CAMKMT: variants seen among roughly 807,000 people sequenced by gnomAD.
The protein encoded by CAMKMT is CaM KMT.
CAMKMT carries 53 observed loss-of-function variants against 48.0 expected under a neutral mutation model. The observed-to-expected ratio is 1.10, with a 90% CI of 0.89 to 1.39. The LOEUF (loss-of-function observed/expected upper bound fraction) is 1.39, where lower values mean the gene tolerates loss of function less well. Among genes scored for constraint, CAMKMT ranks in the 40% most tolerant of loss-of-function variants. CAMKMT has a pLI of 0.00. For synonymous variants in CAMKMT, 165 were observed against 152.3 expected (o/e 1.08, Z -0.61); for missense variants, 428 against 402.7 (o/e 1.06, Z -0.54).
chr2:44,376,378 G>A (rs567729718), intron 2 of CAMKMT, among the ~76,000 whole-genome samples: 1 of 150,204 alleles, frequency 6.7e-6, no homozygotes, highest in Admixed American at 6.6e-5. Context: ...ATGAGATTGT[G>A]CCACTGAACT....
intron 7 of CAMKMT, among the ~76,000 whole-genome samples, chr2:44,728,350 T>C (rs571763807): frequency 2.0e-4 from 31 of 152,316 alleles, no homozygotes; most frequent in Admixed American, 1.4e-3. Flanking sequence ...TCTGTGTCTG[T>C]GGTCATGAGG....
chr2:44,685,915 A>G (rs1676308522), intron 3 of CAMKMT, among the ~76,000 whole-genome samples: 1 of 152,066 alleles, frequency 6.6e-6, no homozygotes, highest in African/African-American at 2.4e-5. Flanking sequence ...TGAGGTATAT[A>G]TATTTTGTGT....
chr2:44,386,966 G>A (rs1254102930), intron 2 of CAMKMT, among the ~76,000 whole-genome samples: 1 of 152,072 alleles, frequency 6.6e-6, no homozygotes, highest in Non-Finnish European at 1.5e-5. Context: ...AGTTCCATGT[G>A]CTGTTGAATA....
intron 2 of CAMKMT, among the ~76,000 whole-genome samples, chr2:44,385,237 G>A (rs1461302432): frequency 6.7e-6 from 1 of 148,222 alleles, no homozygotes; most frequent in Non-Finnish European, 1.5e-5. Context: ...TTTTTTTTTT[G>A]CAGCTGTTGC....
chr2:44,530,912 T>A (rs894032401), intron 3 of CAMKMT, among the ~76,000 whole-genome samples: 1 of 152,032 alleles, frequency 6.6e-6, no homozygotes, highest in African/African-American at 2.4e-5. Flanking sequence ...TTATTAATAA[T>A]TTCATAGTGT....
chr2:44,448,866 G>T (rs1667143492), intron 3 of CAMKMT, among the ~76,000 whole-genome samples: 1 of 152,158 alleles, frequency 6.6e-6, no homozygotes, highest in South Asian at 2.1e-4. Context: ...CAGAAACATT[G>T]TGCTAAGTAT....
intron 10 of CAMKMT, among the ~76,000 whole-genome samples, chr2:44,769,393 T>A (rs1030317150): frequency 6.6e-6 from 1 of 152,190 alleles, no homozygotes; most frequent in Non-Finnish European, 1.5e-5. Context: ...TTTAAAAATA[T>A]TGCTTTTCAG....
chr2:44,588,311 G>T lies in CAMKMT; in HGVS notation c.377-115972G>T, dbSNP rs1211570165. Among the ~76,000 whole-genome samples, 6 of 87,560 alleles carry T rather than the reference G, an allele frequency of 6.9e-5. No homozygotes were observed. In the East Asian group the frequency reaches 1.6e-3, roughly 23 times the overall value. The allele number at this position is 87,560 out of a possible 152,430, so 57.4% of individuals were successfully genotyped here. The stretch of plus-strand genomic sequence containing the variant: ...CACCCCGTCCGGGAGGGAGGGGGGG[G>T]GTCAGCCCCCCGCCCGGCCAGCCGC... On this transcript the variant is annotated intron_variant, in intron 3 of 10. Transcript: ENST00000378494.
intron 2 of CAMKMT, among the ~76,000 whole-genome samples, chr2:44,384,740 C>A (rs911517635): frequency 9.9e-5 from 15 of 152,026 alleles, no homozygotes; most frequent in African/African-American, 3.6e-4. Flanking sequence ...AAAAGGGTGT[C>A]CTTTCCCCCA....
At chr2:44,739,860 A>C (rs1192096252) in intron 7 of CAMKMT, among the ~76,000 whole-genome samples, 1 of 152,178 alleles carries the variant, frequency 6.6e-6, no homozygotes, top group Non-Finnish European at 1.5e-5. Context: ...GGGGGAAATA[A>C]CTCCATGTTT....
intron 8 of CAMKMT, among the ~76,000 whole-genome samples, chr2:44,750,863 A>G: frequency 6.6e-6 from 1 of 152,190 alleles, no homozygotes; most frequent in Middle Eastern, 3.2e-3. Context: ...AAATACAAAA[A>G]TTAGCTGGGC....
intron 3 of CAMKMT, among the ~76,000 whole-genome samples, chr2:44,685,025 T>TCTC (rs1676258648): frequency 6.6e-6 from 1 of 152,080 alleles, no homozygotes; most frequent in Non-Finnish European, 1.5e-5. Context: ...TCGTTGCTAT[T>TCTC]CTCCATGAAT....
chr2:44,472,497 C>T (rs1478392825), intron 3 of CAMKMT, among the ~76,000 whole-genome samples: 1 of 152,144 alleles, frequency 6.6e-6, no homozygotes. Flanking sequence ...CATCAGCCCC[C>T]AAAATCCTGT....
At chr2:44,430,034 T>C (rs1239756519) in intron 3 of CAMKMT, among the ~76,000 whole-genome samples, 1 of 151,888 alleles carries the variant, frequency 6.6e-6, no homozygotes, top group South Asian at 2.1e-4. Context: ...TGAGAGAATT[T>C]TGGGGGGAAA....
intron 3 of CAMKMT, among the ~76,000 whole-genome samples, chr2:44,591,391 G>A (rs1253247541): frequency 2.0e-5 from 3 of 152,190 alleles, no homozygotes; most frequent in South Asian, 4.2e-4. Context: ...CATGAGCATG[G>A]AATGTTCTTC....
chr2:44,471,075 A>G (rs1056960749), intron 3 of CAMKMT, among the ~76,000 whole-genome samples: 2 of 141,368 alleles, frequency 1.4e-5, no homozygotes, highest in African/African-American at 2.6e-5. Context: ...GCTCACTGCA[A>G]CCTCCGCCTT....
intron 3 of CAMKMT, chr2:44,401,136 C>A (rs1048493799): frequency 1.3e-5 from 2 of 152,034 alleles, no homozygotes; most frequent in African/African-American, 4.8e-5. Context: ...GTAAAACATT[C>A]TTTCTACACA....
intron 3 of CAMKMT, among the ~76,000 whole-genome samples, chr2:44,687,049 A>G (rs573638559): frequency 6.6e-6 from 1 of 152,318 alleles, no homozygotes; most frequent in African/African-American, 2.4e-5. Flanking sequence ...AAATCCTGAA[A>G]CTTTCTCTCC....
intron 3 of CAMKMT, among the ~76,000 whole-genome samples, chr2:44,409,380 T>G (rs1381323521): frequency 6.6e-6 from 1 of 152,214 alleles, no homozygotes; most frequent in Non-Finnish European, 1.5e-5. Flanking sequence ...ACATTTACAC[T>G]TTCATATCAT....
Sources: gnomAD v4.1 joint callset for allele counts (sites outside exome capture counted in the v4.1 genomes callset) on GRCh38, gnomAD v4.1.1 for gene constraint, MANE v1.5 for transcripts, NCBI Gene and HGNC (gene_info 2026-07-23, HGNC 2026-07-21) for gene names.